Variants in CDK14 observed in about 807,000 individuals in gnomAD.
CDK14 encodes cyclin-dependent kinase 14.
In CDK14, 34 loss-of-function variants were observed where a neutral mutation model predicts 60.7. That is an observed-to-expected ratio of 0.56 (90% CI 0.43 to 0.75). CDK14 has a LOEUF of 0.75. Ranked by LOEUF, CDK14 falls within the 30% of genes least tolerant of loss-of-function variation. CDK14 has a pLI of 0.00. For synonymous variants in CDK14, 197 were observed against 203.7 expected (o/e 0.97, Z 0.28); for missense variants, 482 against 564.1 (o/e 0.85, Z 1.47).
chr7:91,169,886 A>G lies in CDK14; in HGVS notation c.*29-37279A>G, dbSNP rs548753121. On this transcript the variant is annotated intron_variant, in intron 14 of 14. Coordinates refer to ENST00000380050, the MANE Select transcript of CDK14 (RefSeq NM_001287135.2). ...AAACAAAAATCCCTACTCGGCCCAA[A>G]TAGCATTGTGCTTTATAATTCATTC... 2.6e-5 allele frequency among the ~76,000 whole-genome samples: 4 copies of G among 152,330 alleles called. No homozygotes were observed. The East Asian group carries it at 7.7e-4, about 29-fold the overall frequency.
intron 2 of CDK14, among the ~76,000 whole-genome samples, chr7:90,615,743 C>T (rs576883802): frequency 8.5e-5 from 13 of 152,076 alleles, no homozygotes; most frequent in African/African-American, 2.9e-4. Context: ...TCTATTTTAA[C>T]GGATTTTCAA....
intron 5 of CDK14, among the ~76,000 whole-genome samples, chr7:90,801,633 A>G (rs1788633188): frequency 6.6e-6 from 1 of 152,208 alleles, no homozygotes; most frequent in Non-Finnish European, 1.5e-5. Flanking sequence ...TTACACAAAG[A>G]CAAAATGTTC....
intron 10 of CDK14, among the ~76,000 whole-genome samples, chr7:91,013,656 G>GGTT (rs1562868451): frequency 8.1e-6 from 1 of 123,386 alleles, no homozygotes. Flanking sequence ...CATTGCCTCT[G>GGTT]TTTTTTTTTT....
chr7:91,122,224 T>C (rs1313013917), intron 14 of CDK14, among the ~76,000 whole-genome samples: 1 of 152,158 alleles, frequency 6.6e-6, no homozygotes, highest in Non-Finnish European at 1.5e-5. Flanking sequence ...GGTGACCCTC[T>C]CCTTACCTTT....
At chr7:90,639,802 C>G (rs1214746047) in intron 2 of CDK14, among the ~76,000 whole-genome samples, 2 of 152,132 alleles carry the variant, frequency 1.3e-5, no homozygotes, top group Non-Finnish European at 2.9e-5. Context: ...GCTTTGTTTA[C>G]CTAAGCAAGC....
At chr7:90,651,614 G>C (rs1449355303) in intron 2 of CDK14, among the ~76,000 whole-genome samples, 1 of 152,002 alleles carries the variant, frequency 6.6e-6, no homozygotes, top group Non-Finnish European at 1.5e-5. Flanking sequence ...AGTTATTAAG[G>C]TTTCTGGATA....
chr7:90,975,782 C>T (rs1350001606), intron 9 of CDK14, among the ~76,000 whole-genome samples: 1 of 152,286 alleles, frequency 6.6e-6, no homozygotes, highest in East Asian at 1.9e-4. Context: ...TGAGTGAGAA[C>T]ATGCGGTGTT....
intron 2 of CDK14, among the ~76,000 whole-genome samples, chr7:90,675,173 A>G (rs1050655577): frequency 2.0e-5 from 3 of 151,996 alleles, no homozygotes; most frequent in Non-Finnish European, 4.4e-5. Context: ...TTTCTTTTCC[A>G]TACATTTAAC....
At chr7:91,104,538 ATCCTTCT>A (rs1799231936) in intron 12 of CDK14, among the ~76,000 whole-genome samples, 1 of 152,052 alleles carries the variant, frequency 6.6e-6, no homozygotes, top group Non-Finnish European at 1.5e-5. Flanking sequence ...CCCAATGTTC[ATCCTTCT>A]TGATCAAAAT....
intron 14 of CDK14, among the ~76,000 whole-genome samples, chr7:91,118,531 A>G (rs1261819727): frequency 6.6e-6 from 1 of 152,258 alleles, no homozygotes; most frequent in Non-Finnish European, 1.5e-5. Flanking sequence ...TATCTAAGCC[A>G]CAGACCTACT....
intron 5 of CDK14, among the ~76,000 whole-genome samples, chr7:90,815,211 C>A (rs955411804): frequency 5.9e-5 from 9 of 152,176 alleles, no homozygotes; most frequent in Non-Finnish European, 1.5e-5. Context: ...AATATCCAAA[C>A]TCTTTTCCTA....
At chr7:90,775,621 T>TCCTCCCCCTCCCCCTTCCCCTCCC (rs6150227) in intron 4 of CDK14, among the ~76,000 whole-genome samples, 3 of 79,132 alleles carry the variant, frequency 3.8e-5, no homozygotes, top group African/African-American at 1.0e-4. Context: ...AAATACCTCC[T>TCCTCCCCCTCCCCCTTCCCCTCCC]CCTCCCCCTC....
intron 2 of CDK14, among the ~76,000 whole-genome samples, chr7:90,667,861 G>A (rs1801017694): frequency 6.6e-6 from 1 of 152,166 alleles, no homozygotes; most frequent in Non-Finnish European, 1.5e-5. Context: ...GAGCCACCGT[G>A]CCCAGCCAGT....
At chr7:91,046,025 T>C in intron 11 of CDK14, 65 bp downstream of exon 11, 1 of 1,095,148 alleles carries the variant, frequency 9.1e-7, no homozygotes, top group African/African-American at 1.5e-5. Flanking sequence ...ATATAAATGT[T>C]CCCTCTCAAG....
chr7:90,641,844 A>G (rs532042342), intron 2 of CDK14, among the ~76,000 whole-genome samples: 1 of 152,354 alleles, frequency 6.6e-6, no homozygotes, highest in South Asian at 2.1e-4. Context: ...AAAAGGTTTA[A>G]TGGACTTACA....
intron 5 of CDK14, among the ~76,000 whole-genome samples, chr7:90,830,176 C>T (rs562685215): frequency 1.3e-4 from 20 of 152,166 alleles, no homozygotes; most frequent in Non-Finnish European, 2.6e-4. Context: ...TATAAGGACT[C>T]CTCCCCTGCA....
intron 3 of CDK14, 122 bp downstream of exon 3, chr7:90,726,934 G>T: frequency 1.7e-6 from 2 of 1,209,758 alleles, no homozygotes; most frequent in Non-Finnish European, 2.3e-6. Context: ...TCTCTCCCAG[G>T]GTGGTTGAAT....
At chr7:91,174,051 G>A (rs1216562544) in intron 14 of CDK14, among the ~76,000 whole-genome samples, 1 of 152,152 alleles carries the variant, frequency 6.6e-6, no homozygotes, top group African/African-American at 2.4e-5. Flanking sequence ...AGACTTAAAT[G>A]TCCCTGTATG....
chr7:90,596,697 T>A lies in CDK14; in HGVS notation c.70T>A (p.Ser24Thr). The A allele has an allele frequency of 6.2e-7, 1 of 1,611,830 alleles. No homozygotes were observed. Among genetic ancestry groups the A allele is most frequent in the Non-Finnish European group, 8.5e-7 (1 of 1,179,290 alleles). The change falls in exon 1 of 15, where the codon TCG becomes ACG. Residue 24 changes from serine to threonine, a missense_variant. Transcript: ENST00000380050. ...GKMKKLRRTL[S>T]ESFSRIALKK... ...GATGAAGAAGTTGCGGAGAACTTTGTCGGAGAGTTTCAGTCGCATTGGTGA... is the reference window on the plus strand; with the variant it reads ...GATGAAGAAGTTGCGGAGAACTTTGACGGAGAGTTTCAGTCGCATTGGTGA...
Sources: gnomAD v4.1 joint callset for allele counts (sites outside exome capture counted in the v4.1 genomes callset) on GRCh38, gnomAD v4.1.1 for gene constraint, MANE v1.5 for transcripts, NCBI Gene and HGNC (gene_info 2026-07-23, HGNC 2026-07-21) for gene names.